The following CACNA2D3 variants were observed in gnomAD, a reference collection of about 807,000 sequenced individuals.
The protein encoded by CACNA2D3 is calcium voltage-gated channel auxiliary subunit alpha2delta 3.
CACNA2D3 carries 60 observed loss-of-function variants against 160.6 expected under a neutral mutation model. That is an observed-to-expected ratio of 0.37 (90% confidence interval 0.30 to 0.46). The LOEUF (loss-of-function observed/expected upper bound fraction) is 0.46. CACNA2D3 is among the 20% of genes least tolerant of loss of function. The probability of loss-of-function intolerance (pLI) is 1.00; values close to 1 mark genes in which losing one functional copy is unlikely to be tolerated. For missense variants in CACNA2D3, 1,205 were observed against 1,365.0 expected (o/e 0.88, Z 1.85); for synonymous variants, 558 against 492.9 (o/e 1.13, Z -1.75).
intron 27 of CACNA2D3, among the ~76,000 whole-genome samples, chr3:54,925,692 A>G (rs1435259807): frequency 6.6e-6 from 1 of 152,224 alleles, no homozygotes; most frequent in Non-Finnish European, 1.5e-5. Context: ...TCTGCTTTCC[A>G]GTATGGGAGC....
intron 4 of CACNA2D3, among the ~76,000 whole-genome samples, chr3:54,427,345 AG>A (rs1207974699): frequency 2.6e-5 from 4 of 152,170 alleles, no homozygotes; most frequent in African/African-American, 9.7e-5. Flanking sequence ...TCTCCCATCC[AG>A]AAAATGGCCG....
chr3:54,894,378 G>A (rs1460221479), intron 25 of CACNA2D3, among the ~76,000 whole-genome samples: 1 of 152,100 alleles, frequency 6.6e-6, no homozygotes, highest in African/African-American at 2.4e-5. Flanking sequence ...TGCCCTAGGT[G>A]CCAGCACTGT....
chr3:54,159,914 A>G, intron 2 of CACNA2D3, among the ~76,000 whole-genome samples: 2 of 152,338 alleles, frequency 1.3e-5, no homozygotes, highest in Middle Eastern at 6.8e-3. Context: ...TTATATAGCA[A>G]ACATACTACA....
At chr3:54,423,650 G>A (rs540418817) in intron 4 of CACNA2D3, among the ~76,000 whole-genome samples, 60 of 152,240 alleles carry the variant, frequency 3.9e-4, no homozygotes, top group Non-Finnish European at 6.9e-4. Flanking sequence ...CTGGAGAGTG[G>A]ACTCTGTACA....
chr3:54,286,387 T>A (rs1318282146), intron 2 of CACNA2D3, among the ~76,000 whole-genome samples: 1 of 152,016 alleles, frequency 6.6e-6, no homozygotes, highest in Admixed American at 6.5e-5. Context: ...GAAAAAAGAA[T>A]AAAAAGAAAC....
chr3:54,989,171 T>C (rs1260111214), intron 31 of CACNA2D3, among the ~76,000 whole-genome samples: 2 of 152,226 alleles, frequency 1.3e-5, no homozygotes, highest in African/African-American at 4.8e-5. Flanking sequence ...AGACAAAAGA[T>C]GAGGAATAAT....
At chr3:54,414,141 T>C (rs1227081911) in intron 4 of CACNA2D3, among the ~76,000 whole-genome samples, 1 of 152,024 alleles carries the variant, frequency 6.6e-6, no homozygotes, top group Non-Finnish European at 1.5e-5. Flanking sequence ...ATATACTACA[T>C]AGCAGGGCAG....
chr3:54,302,941 C>G (rs868587485), intron 2 of CACNA2D3, among the ~76,000 whole-genome samples: 3 of 151,898 alleles, frequency 2.0e-5, no homozygotes, highest in Admixed American at 6.6e-5. Flanking sequence ...CAGGATCCTC[C>G]GAGTGTAAGG....
intron 13 of CACNA2D3, among the ~76,000 whole-genome samples, chr3:54,781,808 C>T (rs752748929): frequency 1.8e-4 from 28 of 152,230 alleles, no homozygotes; most frequent in Non-Finnish European, 2.9e-4. Flanking sequence ...GCTCTTTATC[C>T]TTCAGGTGTT....
intron 5 of CACNA2D3, among the ~76,000 whole-genome samples, chr3:54,522,482 T>C (rs1339523156): frequency 6.6e-6 from 1 of 152,216 alleles, no homozygotes; most frequent in African/African-American, 2.4e-5. Context: ...AGAGATAATT[T>C]TACTTCTTTC....
intron 2 of CACNA2D3, among the ~76,000 whole-genome samples, chr3:54,151,730 T>C (rs1486301265): frequency 2.0e-5 from 3 of 152,200 alleles, no homozygotes; most frequent in African/African-American, 7.2e-5. Flanking sequence ...TCTTCTGTGA[T>C]CTGTGCTATG....
chr3:54,155,209 G>A (rs182661558), intron 2 of CACNA2D3, among the ~76,000 whole-genome samples: 108 of 152,280 alleles, frequency 7.1e-4, no homozygotes, highest in Middle Eastern at 3.4e-3. Context: ...CTATGCTGTG[G>A]TAGTAAGTAC....
intron 5 of CACNA2D3, among the ~76,000 whole-genome samples, chr3:54,529,498 C>T (rs1222582846): frequency 2.4e-4 from 36 of 152,188 alleles, no homozygotes; most frequent in Admixed American, 2.3e-3. Flanking sequence ...ATGCTGACAT[C>T]AGCGGGGTGG....
At chr3:54,363,065 T>G (rs1698769940) in intron 3 of CACNA2D3, among the ~76,000 whole-genome samples, 2 of 151,846 alleles carry the variant, frequency 1.3e-5, no homozygotes, top group African/African-American at 2.4e-5. Context: ...TGTGGTGGTG[T>G]GCGCCTGTAG....
intron 2 of CACNA2D3, among the ~76,000 whole-genome samples, chr3:54,203,678 C>T (rs1031577236): frequency 2.6e-5 from 4 of 152,066 alleles, no homozygotes; most frequent in Non-Finnish European, 4.4e-5. Flanking sequence ...TCAACTCCCT[C>T]GGCCAAACTC....
At position 54,328,367 on chromosome 3, in the gene CACNA2D3, C is replaced by T. The variant is rs371392499; in HGVS notation, c.321+7809C>T. Among the ~76,000 whole-genome samples, 50 of 152,262 alleles carry T rather than the reference C, an allele frequency of 3.3e-4. No individual in the cohort carries two copies. The Middle Eastern group carries it at 0.014, about 41-fold the overall frequency. ...CCCGATCTTGGCTCACTGCCACCTC[C>T]GCCTCCCGGGTTCAAGCAACTCTCC... On this transcript the variant is annotated intron_variant, in intron 3 of 37. Transcript: ENST00000474759.
chr3:54,357,386 C>T (rs922531215), intron 3 of CACNA2D3, among the ~76,000 whole-genome samples: 5 of 152,186 alleles, frequency 3.3e-5, no homozygotes, highest in Non-Finnish European at 7.3e-5. Flanking sequence ...TGATCACATT[C>T]ACATCTTTTA....
At chr3:54,740,598 A>G (rs752360226) in intron 11 of CACNA2D3, among the ~76,000 whole-genome samples, 5 of 152,200 alleles carry the variant, frequency 3.3e-5, no homozygotes, top group Admixed American at 6.5e-5. Context: ...ACAAAGAGCT[A>G]TGTCCCTACC....
At chr3:54,583,913 A>G (rs115753546) in intron 9 of CACNA2D3, among the ~76,000 whole-genome samples, 2,112 of 152,226 alleles carry the variant, frequency 0.014, 24 homozygotes, top group Non-Finnish European at 0.022. Flanking sequence ...TAAAAAAAAA[A>G]AAAGAAAGTC....
Sources: gnomAD v4.1 joint callset for allele counts (sites outside exome capture counted in the v4.1 genomes callset) on GRCh38, gnomAD v4.1.1 for gene constraint, MANE v1.5 for transcripts, NCBI Gene and HGNC (gene_info 2026-07-23, HGNC 2026-07-21) for gene names.